Variants in PDXDC1 observed in about 807,000 individuals in gnomAD.
PDXDC1 encodes pyridoxal-dependent decarboxylase domain-containing protein 1.
Under a neutral mutation model 100.1 loss-of-function variants are expected in PDXDC1, and 42 were observed. The observed-to-expected ratio is 0.42, with a 90% CI of 0.33 to 0.54. PDXDC1 has a LOEUF of 0.54. Ranked by LOEUF, PDXDC1 falls within the 20% of genes least tolerant of loss-of-function variation. The pLI is 0.10. For missense variants in PDXDC1, 636 were observed against 979.2 expected (o/e 0.65, Z 4.68); for synonymous variants, 260 against 371.7 (o/e 0.70, Z 3.46).
chr16:15,001,425 GT>G (rs1239327100), intron 3 of PDXDC1, among the ~76,000 whole-genome samples: 1 of 152,286 alleles, frequency 6.6e-6, no homozygotes, highest in African/African-American at 2.4e-5. Context: ...GGAGGCAGAG[GT>G]TGCAGTGAGC....
rs1441573575 is a variant in PDXDC1, at chr16:15,034,571, C to G, written c.2002+18C>G. On this transcript the variant is annotated intron_variant, in intron 21 of 22. Coordinates refer to ENST00000396410, the MANE Select transcript of PDXDC1 (RefSeq NM_015027.4). Reference sequence around the variant, plus strand: ...GACAGCAGGTAGGACGGCATAGCCTCTTCCCAGGTCTTGCTGACCTTGGGA... The same window carrying G: ...GACAGCAGGTAGGACGGCATAGCCTGTTCCCAGGTCTTGCTGACCTTGGGA... 3.2e-6 allele frequency: 5 copies of G among 1,575,458 alleles called. No individual in the cohort carries two copies. Among genetic ancestry groups the G allele is most frequent in the Non-Finnish European group, 4.4e-6 (5 of 1,145,520 alleles).
At chr16:15,088,783 A>G (rs557600910) in intron 16 of PDXDC1, among the ~76,000 whole-genome samples, 1 of 152,268 alleles carries the variant, frequency 6.6e-6, no homozygotes, top group East Asian at 1.9e-4. Flanking sequence ...CAGATAATAA[A>G]TCTGGGGAAC....
At chr16:15,122,495 C>T (rs1351252059) in intron 16 of PDXDC1, among the ~76,000 whole-genome samples, 1 of 145,584 alleles carries the variant, frequency 6.9e-6, no homozygotes, top group African/African-American at 2.6e-5. Flanking sequence ...GATTACAGGC[C>T]TGAGCTGTGT....
intron 1 of PDXDC1, chr16:14,975,457 C>T: frequency 1.0e-6 from 1 of 985,372 alleles, no homozygotes; most frequent in Non-Finnish European, 1.2e-6. Context: ...GTGGGGGCCG[C>T]GACGGGCCCG....
chr16:15,127,215 G>C, intron 16 of PDXDC1: 1 of 426,748 alleles, frequency 2.3e-6, no homozygotes, highest in Non-Finnish European at 4.5e-6. Context: ...GAGTTATCTG[G>C]CGTGCTGCTG....
chr16:15,074,996 GC>G, intron 16 of PDXDC1: 2 of 876,436 alleles, frequency 2.3e-6, no homozygotes, highest in Non-Finnish European at 3.4e-6. Context: ...ACATCTATAA[GC>G]CCAGCACTTT....
At chr16:15,059,192 G>A (rs529505862) in intron 16 of PDXDC1, among the ~76,000 whole-genome samples, 8 of 152,252 alleles carry the variant, frequency 5.3e-5, no homozygotes, top group Admixed American at 2.0e-4. Context: ...GGTGTGTGAC[G>A]TGAGCCTGGG....
In PDXDC1 at chr16:15,035,462, C is replaced by T; in HGVS notation, c.2016C>T (p.Ser672=). 1 of 1,609,288 alleles carries T rather than the reference C, an allele frequency of 6.2e-7. No homozygotes were observed. Among genetic ancestry groups the T allele is most frequent in the Non-Finnish European group, 8.5e-7 (1 of 1,177,668 alleles). The part of the protein sequence containing the change: ...TFNLTAGSLE[S]TEPIYVYKAQ... The stretch of plus-strand genomic sequence containing the variant: ...CCTCTCCCGCAGGCTCTCTGGAGTC[C>T]ACAGAACCCATATATGTCTACAAAG... Residue 672 remains serine, a synonymous_variant, in exon 22 of 23, where the codon TCC becomes TCT. Transcript: ENST00000396410.
chr16:15,035,447 A>T lies in PDXDC1; in HGVS notation c.2003-2A>T, dbSNP rs1408675697. Reference sequence around the variant, plus strand: ...TCTACCCAGCCCTCTCCTCTCCCGCAGGCTCTCTGGAGTCCACAGAACCCA... The same window carrying T: ...TCTACCCAGCCCTCTCCTCTCCCGCTGGCTCTCTGGAGTCCACAGAACCCA... On this transcript the variant is annotated splice_acceptor_variant, in intron 21 of 22. Coordinates refer to ENST00000396410, the MANE Select transcript of PDXDC1 (RefSeq NM_015027.4). LOFTEE classifies it high-confidence loss of function. The T allele has an allele frequency of 6.3e-7, 1 of 1,594,176 alleles. No individual in the cohort carries two copies. Among genetic ancestry groups the T allele is most frequent in the African/African-American group, 1.4e-5 (1 of 73,992 alleles).
chr16:15,129,339 C>T (rs1218233260), intron 16 of PDXDC1, among the ~76,000 whole-genome samples: 4 of 151,458 alleles, frequency 2.6e-5, no homozygotes, highest in African/African-American at 4.8e-5. Flanking sequence ...TCAGGAGAAT[C>T]GCTTAAGGGG....
intron 16 of PDXDC1, among the ~76,000 whole-genome samples, chr16:15,075,154 G>A (rs2045397281): frequency 1.3e-5 from 2 of 151,496 alleles, no homozygotes; most frequent in Non-Finnish European, 2.9e-5. Context: ...GGAGGCAGAG[G>A]CAGGAAAATA....
chr16:15,117,605 A>C (rs2047281927), intron 16 of PDXDC1, among the ~76,000 whole-genome samples: 1 of 149,090 alleles, frequency 6.7e-6, no homozygotes, highest in Admixed American at 6.7e-5. Flanking sequence ...AGGCAGGGGA[A>C]TCACTTGAAG....
At chr16:14,999,854 C>CTT (rs1303691956) in intron 3 of PDXDC1, among the ~76,000 whole-genome samples, 2 of 149,916 alleles carry the variant, frequency 1.3e-5, no homozygotes, top group Admixed American at 6.7e-5. Context: ...CTGAGACAAA[C>CTT]TTTTTTTTTT....
chr16:15,043,317 T>G (rs1216230573), downstream of PDXDC1, among the ~76,000 whole-genome samples: 1 of 152,190 alleles, frequency 6.6e-6, no homozygotes, highest in Non-Finnish European at 1.5e-5. Context: ...ATTACAGGCA[T>G]GAGCCACCGT....
chr16:15,041,400 C>T (rs2043809506), downstream of PDXDC1, among the ~76,000 whole-genome samples: 1 of 152,040 alleles, frequency 6.6e-6, no homozygotes, highest in Admixed American at 6.5e-5. Context: ...GATCCAGTGC[C>T]CTCCTTCCTG....
At chr16:15,131,062 C>G in intron 16 of PDXDC1, 1 of 1,594,514 alleles carries the variant, frequency 6.3e-7, no homozygotes, top group South Asian at 1.1e-5. Context: ...CAGGGGGCCG[C>G]GTGTGCCTCA....
downstream of PDXDC1, among the ~76,000 whole-genome samples, chr16:15,142,485 C>G (rs2048490355): frequency 6.6e-6 from 1 of 151,954 alleles, no homozygotes; most frequent in African/African-American, 2.4e-5. Context: ...GGGGCCCAGA[C>G]AGGAGCCAGG....
At chr16:15,133,002 C>A (rs1017149266) in intron 16 of PDXDC1, 11 of 1,426,272 alleles carry the variant, frequency 7.7e-6, no homozygotes, top group African/African-American at 1.4e-5. Flanking sequence ...TGACCCGCAA[C>A]ACTGAGCTGT....
chr16:15,128,293 A>G, intron 16 of PDXDC1: 1 of 1,610,508 alleles, frequency 6.2e-7, no homozygotes, highest in East Asian at 2.2e-5. Flanking sequence ...GAAGATGTCC[A>G]GGCTGTTGCG....
Sources: allele counts gnomAD v4.1 joint callset (sites outside exome capture counted in the v4.1 genomes callset), GRCh38; gene constraint gnomAD v4.1.1; transcripts MANE v1.5; gene names NCBI Gene and HGNC (gene_info 2026-07-23, HGNC 2026-07-21).